The following CDH8 variants were observed in gnomAD, a reference collection of about 807,000 sequenced individuals.
The protein encoded by CDH8 is cadherin-8.
CDH8 carries 17 observed loss-of-function variants against 68.1 expected under a neutral mutation model. The observed-to-expected ratio is 0.25, with a 90% CI of 0.17 to 0.37. CDH8 has a LOEUF of 0.37. Among genes scored for constraint, CDH8 ranks in the 10% least tolerant of loss-of-function variants. CDH8 has a pLI of 1.00. For synonymous variants in CDH8, 372 were observed against 365.1 expected, an observed-to-expected ratio of 1.02 and a Z score of -0.21; for missense variants, 763 against 999.3, an observed-to-expected ratio of 0.76 and a Z score of 3.19.
At chr16:61,656,211 A>C (rs1199608222) in intron 10 of CDH8, among the ~76,000 whole-genome samples, 1 of 152,168 alleles carries the variant, frequency 6.6e-6, no homozygotes, top group African/African-American at 2.4e-5. Flanking sequence ...CAACCATAAC[A>C]GGTTGAATGA....
chr16:61,684,020 C>T (rs1192431337), intron 10 of CDH8, among the ~76,000 whole-genome samples: 5 of 151,984 alleles, frequency 3.3e-5, no homozygotes, highest in Non-Finnish European at 4.4e-5. Flanking sequence ...GGATACCTTC[C>T]CTCCAATATT....
rs545061172 is a variant in CDH8, at chr16:61,647,729, A to G, written c.*5879T>C. On this transcript the variant is annotated 3_prime_UTR_variant, in exon 12 of 12. Coordinates refer to ENST00000577390, the MANE Select transcript of CDH8 (RefSeq NM_001796.5). Reference sequence around the variant, plus strand: ...CATAGGATGGCCTGAAGTTCTTTGCATGTACAGAAGAAATCCCAAGAAATT... The same window carrying G: ...CATAGGATGGCCTGAAGTTCTTTGCGTGTACAGAAGAAATCCCAAGAAATT... 4 of 688,434 alleles carry G rather than the reference A, an allele frequency of 5.8e-6. No homozygotes were observed. The East Asian group carries it at 1.1e-4, about 19-fold the overall frequency. 42.6% of individuals were successfully genotyped at this position (688,434 alleles called of 1,614,324 possible).
intron 3 of CDH8, among the ~76,000 whole-genome samples, chr16:61,887,874 A>G (rs890202050): frequency 2.0e-5 from 3 of 152,156 alleles, no homozygotes; most frequent in African/African-American, 7.2e-5. Flanking sequence ...CCCCTTCTAA[A>G]AATCTACACA....
chr16:62,015,904 C>A (rs1016003340), intron 2 of CDH8, among the ~76,000 whole-genome samples: 15 of 152,122 alleles, frequency 9.9e-5, no homozygotes, highest in African/African-American at 3.4e-4. Context: ...TTACCAACCT[C>A]CAGAATTGAG....
At chr16:61,959,542 C>CTT (rs1473209814) in intron 2 of CDH8, among the ~76,000 whole-genome samples, 4 of 104,738 alleles carry the variant, frequency 3.8e-5, no homozygotes, top group Non-Finnish European at 6.7e-5. Flanking sequence ...CTCTCTCTCT[C>CTT]TGTGTGTGTG....
At chr16:61,985,489 G>T (rs1052423250) in intron 2 of CDH8, among the ~76,000 whole-genome samples, 11 of 152,100 alleles carry the variant, frequency 7.2e-5, no homozygotes, top group Admixed American at 6.6e-4. Context: ...ACCATCAAAA[G>T]AAGTTGGCTG....
At chr16:61,692,166 G>C (rs1474309990) in intron 10 of CDH8, 1 of 152,078 alleles carries the variant, frequency 6.6e-6, no homozygotes, top group Non-Finnish European at 1.5e-5. Context: ...AAAATACAAT[G>C]TTTTTATGAG....
At chr16:61,838,127 T>C (rs754661338) in intron 4 of CDH8, among the ~76,000 whole-genome samples, 1 of 152,108 alleles carries the variant, frequency 6.6e-6, no homozygotes, top group Non-Finnish European at 1.5e-5. Flanking sequence ...TTATTCTTTA[T>C]ATTAAAATTA....
intron 8 of CDH8, among the ~76,000 whole-genome samples, chr16:61,761,107 A>C (rs1960456361): frequency 6.6e-6 from 1 of 152,170 alleles, no homozygotes; most frequent in Admixed American, 6.6e-5. Context: ...ATATGTGTGT[A>C]TAATTTAAAA....
At chr16:61,952,470 T>C (rs1964913201) in intron 2 of CDH8, among the ~76,000 whole-genome samples, 1 of 152,130 alleles carries the variant, frequency 6.6e-6, no homozygotes, top group Admixed American at 6.5e-5. Flanking sequence ...AGGGAGAGCT[T>C]CTCAAATGAA....
At chr16:61,814,984 A>C (rs1454976587) in intron 7 of CDH8, among the ~76,000 whole-genome samples, 1 of 152,186 alleles carries the variant, frequency 6.6e-6, no homozygotes, top group African/African-American at 2.4e-5. Flanking sequence ...GTTTAATAAA[A>C]AATGTGTGGG....
At chr16:61,735,029 G>A (rs1176472590) in intron 8 of CDH8, among the ~76,000 whole-genome samples, 1 of 151,960 alleles carries the variant, frequency 6.6e-6, no homozygotes, top group African/African-American at 2.4e-5. Flanking sequence ...TTCGTGGTTT[G>A]TGATGACATA....
At chr16:62,010,111 A>T (rs1253586194) in intron 2 of CDH8, among the ~76,000 whole-genome samples, 1 of 152,172 alleles carries the variant, frequency 6.6e-6, no homozygotes, top group Non-Finnish European at 1.5e-5. Flanking sequence ...ATAATCTTCA[A>T]GGACATTTTT....
At chr16:61,728,956 T>C (rs1313532958) in intron 8 of CDH8, among the ~76,000 whole-genome samples, 1 of 151,202 alleles carries the variant, frequency 6.6e-6, no homozygotes, top group African/African-American at 2.4e-5. Context: ...AAGTGTCTTA[T>C]ACAGTATTGG....
chr16:62,025,593 G>A (rs1024010497), intron 1 of CDH8, among the ~76,000 whole-genome samples: 11 of 152,108 alleles, frequency 7.2e-5, no homozygotes, highest in African/African-American at 2.2e-4. Flanking sequence ...CTGTCACATC[G>A]TCTGTAGGGA....
intron 8 of CDH8, among the ~76,000 whole-genome samples, chr16:61,780,661 T>C (rs1002998399): frequency 3.9e-5 from 6 of 152,254 alleles, no homozygotes; most frequent in African/African-American, 7.2e-5. Flanking sequence ...ACAAATTCTA[T>C]AAATCTCCTT....
intron 8 of CDH8, among the ~76,000 whole-genome samples, chr16:61,742,282 G>A (rs1959895217): frequency 6.6e-6 from 1 of 151,990 alleles, no homozygotes; most frequent in African/African-American, 2.4e-5. Context: ...ACTCAATCAT[G>A]TTGATTGTGA....
chr16:61,733,152 T>C (rs1336089193), intron 8 of CDH8, among the ~76,000 whole-genome samples: 4 of 151,818 alleles, frequency 2.6e-5, no homozygotes, highest in African/African-American at 7.2e-5. Context: ...AATAGAACTA[T>C]ATAGGAGTAG....
At position 62,013,118 on chromosome 16, in the gene CDH8, G is replaced by A. The variant is rs555947419; in HGVS notation, c.252+8034C>T. Among the ~76,000 whole-genome samples the A allele has an allele frequency of 3.6e-5, 3 of 83,738 alleles. 1 individual carries two copies. The highest frequency in any genetic ancestry group is 7.6e-5 in the Non-Finnish European group (3 of 39,486). 54.9% of individuals were successfully genotyped at this position (83,738 alleles called of 152,430 possible). On this transcript the variant is annotated intron_variant, in intron 2 of 11. Coordinates refer to ENST00000577390, the MANE Select transcript of CDH8 (RefSeq NM_001796.5). Reference sequence around the variant, plus strand: ...AAAATACAAAAAATTAGCCGGGCGCGGTGGCGGGCGCCTGTAGTCCCAGCT... The same window carrying A: ...AAAATACAAAAAATTAGCCGGGCGCAGTGGCGGGCGCCTGTAGTCCCAGCT...
Sources: gnomAD v4.1 joint callset for allele counts (sites outside exome capture counted in the v4.1 genomes callset) on GRCh38, gnomAD v4.1.1 for gene constraint, MANE v1.5 for transcripts, NCBI Gene and HGNC (gene_info 2026-07-23, HGNC 2026-07-21) for gene names.